The following ADGRL4 variants were observed in gnomAD, a reference collection of about 807,000 sequenced individuals.
ADGRL4 encodes adhesion G protein-coupled receptor L4.
ADGRL4 carries 90 observed loss-of-function variants against 74.8 expected under a neutral mutation model. The observed-to-expected ratio is 1.20, with a 90% CI of 1.02 to 1.43. ADGRL4 has a LOEUF of 1.43. Ranked by LOEUF, ADGRL4 falls within the 40% of genes most tolerant of loss-of-function variation. The probability of loss-of-function intolerance (pLI) is 0.00; values close to 1 mark genes in which losing one functional copy is unlikely to be tolerated. For synonymous variants in ADGRL4, 311 were observed against 279.2 expected, an observed-to-expected ratio of 1.11 and a Z score of -1.14; for missense variants, 881 against 814.3, an observed-to-expected ratio of 1.08 and a Z score of -1.00.
intron 2 of ADGRL4, among the ~76,000 whole-genome samples, chr1:78,998,193 C>T (rs1448227065): frequency 6.6e-6 from 1 of 151,740 alleles, no homozygotes; most frequent in African/African-American, 2.4e-5. Context: ...GCATTTGACG[C>T]TGCTTTGAGA....
rs1246429375 is a variant in ADGRL4 at position 78,911,627 on chromosome 1, AC to A, written c.1749+6006del. ...AATCAAGATCTAAACACACACACAC[AC>A]ACACACACACACTATAGTTGGCTAC... On this transcript the variant is annotated intron_variant, in intron 12 of 14. Coordinates refer to ENST00000370742, the MANE Select transcript of ADGRL4 (RefSeq NM_022159.4). Among the ~76,000 whole-genome samples the A allele has an allele frequency of 3.3e-5, 5 of 151,590 alleles. 1 individual carries two copies. Among genetic ancestry groups the A allele is most frequent in the Non-Finnish European group, 7.4e-5 (5 of 67,840 alleles).
chr1:78,936,177 C>T, intron 7 of ADGRL4, 118 bp downstream of exon 7: 1 of 858,784 alleles, frequency 1.2e-6, no homozygotes, highest in South Asian at 1.7e-5. Context: ...ACTGTACATA[C>T]ATCAAATGTT....
At chr1:78,905,023 G>C (rs1255866034) in intron 12 of ADGRL4, among the ~76,000 whole-genome samples, 1 of 151,866 alleles carries the variant, frequency 6.6e-6, no homozygotes, top group Non-Finnish European at 1.5e-5. Context: ...TTTGTGATAT[G>C]GTTTCAATGG....
At chr1:78,936,504 T>G (rs554675550) in intron 6 of ADGRL4, 93 bp from the exon 7 acceptor site, 1 of 1,125,640 alleles carries the variant, frequency 8.9e-7, no homozygotes, top group East Asian at 2.9e-5. Flanking sequence ...CATCCATCAT[T>G]ATTGTGTTTT....
chr1:78,942,803 T>C (rs548612674), intron 3 of ADGRL4, among the ~76,000 whole-genome samples: 4 of 152,048 alleles, frequency 2.6e-5, no homozygotes, highest in African/African-American at 9.6e-5. Context: ...AGGTGGTGTG[T>C]AGTGTAGTCC....
At chr1:78,953,417 A>C (rs1221371950) in intron 2 of ADGRL4, among the ~76,000 whole-genome samples, 1 of 151,166 alleles carries the variant, frequency 6.6e-6, no homozygotes, top group African/African-American at 2.4e-5. Flanking sequence ...TCTCAGTTGC[A>C]AAAAAAAAGC....
intron 12 of ADGRL4, among the ~76,000 whole-genome samples, chr1:78,904,335 T>C (rs1223117358): frequency 6.6e-6 from 1 of 152,022 alleles, no homozygotes; most frequent in Non-Finnish European, 1.5e-5. Flanking sequence ...TTTGAATTGC[T>C]GCATTTAAAG....
At chr1:78,907,072 A>G (rs371219033) in intron 12 of ADGRL4, among the ~76,000 whole-genome samples, 10 of 152,156 alleles carry the variant, frequency 6.6e-5, no homozygotes, top group African/African-American at 2.4e-4. Context: ...ATTGCTTTTG[A>G]AAACTTCTGG....
chr1:78,906,760 A>G (rs1190998816), intron 12 of ADGRL4, among the ~76,000 whole-genome samples: 2 of 152,010 alleles, frequency 1.3e-5, no homozygotes, highest in African/African-American at 4.8e-5. Flanking sequence ...AAACTTTAAT[A>G]TAAATTTATA....
chr1:78,990,116 T>A (rs1227594177), intron 2 of ADGRL4, among the ~76,000 whole-genome samples: 1 of 151,960 alleles, frequency 6.6e-6, no homozygotes, highest in African/African-American at 2.4e-5. Flanking sequence ...CCTCAGTGGA[T>A]CTCCATCATA....
chr1:78,998,359 A>ATT (rs1650762977), intron 2 of ADGRL4, among the ~76,000 whole-genome samples: 2 of 77,114 alleles, frequency 2.6e-5, no homozygotes, highest in African/African-American at 5.1e-5. Context: ...ACTTCCACTG[A>ATT]TTCTTTTTTT....
intron 2 of ADGRL4, among the ~76,000 whole-genome samples, chr1:78,970,384 T>C (rs1650145567): frequency 6.6e-6 from 1 of 152,202 alleles, no homozygotes; most frequent in African/African-American, 2.4e-5. Flanking sequence ...CTAGTATCTG[T>C]AGCATAAATG....
At position 79,005,099 on chromosome 1, in the gene ADGRL4, A is replaced by C. The variant is rs1193895239; in HGVS notation, c.143T>G (p.Phe48Cys). ...GIEACYCNMG[F>C]SGNGVTICED... ...ACAAATTGTGACACCATTTCCTGAAAATCCCATGTTGCAATAGCAGGCTTC... is the reference window on the plus strand; with the variant it reads ...ACAAATTGTGACACCATTTCCTGAACATCCCATGTTGCAATAGCAGGCTTC... Residue 48 changes from phenylalanine to cysteine, a missense_variant, in exon 2 of 15, where the codon TTT becomes TGT. Physicochemically the swap from Phe to Cys is radical, Grantham distance 205. Transcript: ENST00000370742. 6 of 1,612,516 alleles carry C rather than the reference A, an allele frequency of 3.7e-6. No homozygotes were observed. The highest frequency in any genetic ancestry group is 5.1e-6 in the Non-Finnish European group (6 of 1,179,484).
chr1:78,907,996 T>C (rs1290016860), intron 12 of ADGRL4, among the ~76,000 whole-genome samples: 1 of 151,972 alleles, frequency 6.6e-6, no homozygotes, highest in African/African-American at 2.4e-5. Context: ...GACTGCACAA[T>C]GTTTCCGTAT....
At chr1:78,954,578 T>C (rs145102314) in intron 2 of ADGRL4, among the ~76,000 whole-genome samples, 1 of 152,238 alleles carries the variant, frequency 6.6e-6, no homozygotes, top group Admixed American at 6.5e-5. Context: ...CCAATTATAT[T>C]TTATTAACAA....
chr1:78,976,158 A>G lies in ADGRL4; in HGVS notation c.172+28912T>C, dbSNP rs527869036. Among the ~76,000 whole-genome samples the G allele has an allele frequency of 2.0e-5, 3 of 152,114 alleles. No homozygotes were observed. In the South Asian group the frequency reaches 6.2e-4, roughly 32 times the overall value. ...GGTGACTAGAGTTTACAGGACAGAA[A>G]CAAACAAGCAAAAACATGAGAGAAA... is the stretch of plus-strand genomic sequence containing the variant. On this transcript the variant is annotated intron_variant, in intron 2 of 14. Transcript: ENST00000370742.
chr1:78,943,516 G>T (rs1362418874), intron 3 of ADGRL4, among the ~76,000 whole-genome samples: 2 of 152,172 alleles, frequency 1.3e-5, no homozygotes, highest in African/African-American at 4.8e-5. Flanking sequence ...AAAGAATTTT[G>T]CTTGGATTAT....
chr1:78,979,984 T>G (rs576996149), intron 2 of ADGRL4, among the ~76,000 whole-genome samples: 1 of 152,022 alleles, frequency 6.6e-6, no homozygotes, highest in African/African-American at 2.4e-5. Context: ...AAATCACTGC[T>G]AAAGAACGTA....
At position 78,937,898 on chromosome 1, in the gene ADGRL4, T is replaced by G. The variant is rs1382197077; in HGVS notation, c.669A>C (p.Thr223=). The change falls in exon 6 of 15, where the codon ACA becomes ACC. Residue 223 remains threonine, a synonymous_variant. Transcript: ENST00000370742. The part of the protein sequence containing the change: ...LSVNHRRTHL[T]KLMHTVEQAT... ...CTTGTTCAACAGTGTGCATGAGTTT[T>G]GTAAGATGTGTTCTCCTATGATTCA... is the stretch of plus-strand genomic sequence containing the variant. The G allele has an allele frequency of 1.2e-6, 2 of 1,614,050 alleles. No individual in the cohort carries two copies. The highest frequency in any genetic ancestry group is 3.3e-5 in the Admixed American group (2 of 60,020).
Sources: gnomAD v4.1 joint callset for allele counts (sites outside exome capture counted in the v4.1 genomes callset) on GRCh38, gnomAD v4.1.1 for gene constraint, MANE v1.5 for transcripts, NCBI Gene and HGNC (gene_info 2026-07-23, HGNC 2026-07-21) for gene names.